HOOK1: variants seen among roughly 807,000 people sequenced by gnomAD.
The protein encoded by HOOK1 is protein Hook homolog 1.
HOOK1 carries 60 observed loss-of-function variants against 112.8 expected under a neutral mutation model. The ratio of observed to expected loss-of-function variants is 0.53; its 90% CI spans 0.43 to 0.66. The LOEUF (loss-of-function observed/expected upper bound fraction) is 0.66. HOOK1 is among the 30% of genes least tolerant of loss of function. The pLI is 0.00. For synonymous variants in HOOK1, 294 were observed against 283.8 expected, an observed-to-expected ratio of 1.04 and a Z score of -0.36; for missense variants, 770 against 856.0, an observed-to-expected ratio of 0.90 and a Z score of 1.25.
At chr1:59,850,286 T>C (rs2098406409) in intron 12 of HOOK1, among the ~76,000 whole-genome samples, 1 of 151,516 alleles carries the variant, frequency 6.6e-6, no homozygotes, top group African/African-American at 2.4e-5. Flanking sequence ...GTCAGGTATA[T>C]GATTTGCAGT....
intron 2 of HOOK1, among the ~76,000 whole-genome samples, chr1:59,824,165 T>A (rs936521447): frequency 5.9e-5 from 9 of 152,194 alleles, no homozygotes; most frequent in South Asian, 2.1e-4. Context: ...AGGTTAATTT[T>A]ACCATATGTC....
rs1266561201 is a variant in HOOK1 at position 59,840,378 on chromosome 1, A to G, written c.608A>G (p.Glu203Gly). 1 of 1,577,196 alleles carries G rather than the reference A, an allele frequency of 6.3e-7. No homozygotes were observed. The highest frequency in any genetic ancestry group is 1.2e-5 in the South Asian group (1 of 83,378). Residue 203 changes from glutamate (E) to glycine (G), a missense_variant, in exon 8 of 22, where the codon GAA becomes GGA. This residue lies in a region of HOOK1 where 655 missense variants were observed against 725.9 expected (regional missense o/e 0.90). Coordinates refer to ENST00000371208, the MANE Select transcript of HOOK1 (RefSeq NM_015888.6). ...GAAGAGCTGAGGCAAAGATGTGAAG[A>G]ATTGGATATGCAGGTACGGGAAAAA... ...EKEELRQRCE[E>G]LDMQVTTLQD...
Position 59,874,866 on chromosome 1 carries a change from GC to G in HOOK1, c.*1902del, listed in dbSNP as rs1644108493. On this transcript the variant is annotated 3_prime_UTR_variant, in exon 22 of 22. Transcript: ENST00000371208. ...AATACAAGAATTTCGTACTGCATTTGCATCTCCGAGATTAGGGAGCACCTGT... is the reference window on the plus strand; with the variant it reads ...AATACAAGAATTTCGTACTGCATTTGATCTCCGAGATTAGGGAGCACCTGT... 1 of 152,434 alleles carries G rather than the reference GC, an allele frequency of 6.6e-6. No individual in the cohort carries two copies. Among genetic ancestry groups the G allele is most frequent in the Non-Finnish European group, 1.5e-5 (1 of 67,962 alleles). 9.4% of individuals were successfully genotyped at this position (152,434 alleles called of 1,614,324 possible). A position where few individuals can be genotyped will look rare whatever the true frequency, so the allele number is the denominator to read the frequency against.
rs2098411054 is a variant in HOOK1 at position 59,856,905 on chromosome 1, G to A, written c.1243-1523G>A. Among the ~76,000 whole-genome samples, 4 of 152,208 alleles carry A rather than the reference G, an allele frequency of 2.6e-5. No homozygotes were observed. The South Asian group carries it at 6.2e-4, about 24-fold the overall frequency. ...GCCCTCTCATGTCTTTTCTGGGCATGTGCACAGCCCTGTACTTGGCTGACC... is the reference window on the plus strand; with the variant it reads ...GCCCTCTCATGTCTTTTCTGGGCATATGCACAGCCCTGTACTTGGCTGACC... On this transcript the variant is annotated intron_variant, in intron 12 of 21. Coordinates refer to ENST00000371208, the MANE Select transcript of HOOK1 (RefSeq NM_015888.6).
intron 21 of HOOK1, among the ~76,000 whole-genome samples, chr1:59,872,239 A>G (rs1329307734): frequency 1.3e-5 from 2 of 152,226 alleles, no homozygotes; most frequent in East Asian, 3.8e-4. Context: ...TTTATCAGGT[A>G]TCAATATTGA....
intron 12 of HOOK1, 61 bp from the exon 13 acceptor site, chr1:59,858,367 A>C: frequency 9.9e-7 from 1 of 1,013,640 alleles, no homozygotes; most frequent in Non-Finnish European, 1.6e-6. Context: ...AATTGTAAGC[A>C]TAAAGTACAT....
At position 59,847,286 on chromosome 1, in the gene HOOK1, A is replaced by T. The variant is rs985436977; in HGVS notation, c.929+101A>T. On this transcript the variant is annotated intron_variant, in intron 10 of 21. Transcript: ENST00000371208. ...CAGGGATTCATAGGATTATTCCTGTATATCAAGTATTGATCAGTTTTTAAT... is the reference window on the plus strand; with the variant it reads ...CAGGGATTCATAGGATTATTCCTGTTTATCAAGTATTGATCAGTTTTTAAT... 1.3e-5 allele frequency: 13 copies of T among 995,446 alleles called. No homozygotes were observed. The African/African-American group carries it at 2.2e-4, about 17-fold the overall frequency. The allele number at this position is 995,446 out of a possible 1,614,324, so 61.7% of individuals were successfully genotyped here.
intron 9 of HOOK1, among the ~76,000 whole-genome samples, chr1:59,846,596 C>T (rs575952380): frequency 6.3e-4 from 55 of 86,646 alleles, no homozygotes; most frequent in Non-Finnish European, 7.1e-4. Flanking sequence ...CCTCCCTCCT[C>T]CCTCCCTCCC....
intron 1 of HOOK1, 110 bp downstream of exon 1, chr1:59,815,290 A>G (rs41287714): frequency 0.34 from 338,099 of 1,003,928 alleles, 60,368 homozygotes; most frequent in African/African-American, 0.48. Flanking sequence ...GTCCCGGCGC[A>G]CCCTGCCCTT....
chr1:59,868,100 C>A, intron 19 of HOOK1, 150 bp from the exon 20 acceptor site: 1 of 553,582 alleles, frequency 1.8e-6, no homozygotes, highest in Admixed American at 3.4e-5. Flanking sequence ...TTTGTTATCC[C>A]AATTAGGATT....
At chr1:59,837,828 AAT>A (rs1431572248) in intron 7 of HOOK1, among the ~76,000 whole-genome samples, 2 of 152,010 alleles carry the variant, frequency 1.3e-5, no homozygotes, top group Non-Finnish European at 2.9e-5. Flanking sequence ...TATTTCTCCT[AAT>A]GTTATCCCTT....
chr1:59,823,236 C>T (rs923473314), intron 2 of HOOK1, among the ~76,000 whole-genome samples: 7 of 152,188 alleles, frequency 4.6e-5, no homozygotes, highest in African/African-American at 1.7e-4. Flanking sequence ...AGGAGAATGG[C>T]GTGAACCTGG....
At chr1:59,857,445 G>A (rs1335010490) in intron 12 of HOOK1, among the ~76,000 whole-genome samples, 1 of 152,184 alleles carries the variant, frequency 6.6e-6, no homozygotes, top group Non-Finnish European at 1.5e-5. Context: ...ACTGTTGTAG[G>A]CCTTTGGTTT....
intron 1 of HOOK1, among the ~76,000 whole-genome samples, chr1:59,819,824 G>C (rs2098384280): frequency 1.3e-5 from 2 of 152,156 alleles, no homozygotes; most frequent in Non-Finnish European, 2.9e-5. Flanking sequence ...TCCTTTTAAA[G>C]ATGCCCTAAT....
chr1:59,869,859 T>G (rs1245445538), intron 20 of HOOK1, among the ~76,000 whole-genome samples: 1 of 152,198 alleles, frequency 6.6e-6, no homozygotes, highest in East Asian at 1.9e-4. Context: ...TTTAATACTG[T>G]CTCACTCTCC....
At chr1:59,863,853 T>C in intron 16 of HOOK1, 1 of 962,034 alleles carries the variant, frequency 1.0e-6, no homozygotes, top group East Asian at 1.1e-4. Flanking sequence ...CGGCATCTCA[T>C]ATGTGCATAT....
chr1:59,865,922 A>G lies in HOOK1; in HGVS notation c.1795A>G (p.Met599Val), dbSNP rs983259900. The change falls in exon 19 of 22, where the codon ATG (methionine) becomes GTG (valine). Residue 599 changes from methionine (M) to valine (V), a missense_variant. Physicochemically the swap from Met to Val is conservative, Grantham distance 21. Coordinates refer to ENST00000371208, the MANE Select transcript of HOOK1 (RefSeq NM_015888.6). ...EAALQKKDED[M>V]KAMEERYKMY... is the part of the protein sequence containing the mutation. Reference sequence around the variant, plus strand: ...TGCTCTTCAGAAGAAAGATGAAGATATGAAAGCAATGGAGGAAAGATATAA... The same window carrying G: ...TGCTCTTCAGAAGAAAGATGAAGATGTGAAAGCAATGGAGGAAAGATATAA... 1 of 1,598,450 alleles carries G rather than the reference A, an allele frequency of 6.3e-7. No individual in the cohort carries two copies. Among genetic ancestry groups the G allele is most frequent in the East Asian group, 2.3e-5 (1 of 44,042 alleles).
At position 59,833,557 on chromosome 1, in the gene HOOK1, T is replaced by A; in HGVS notation, c.406+20T>A. ...AGCAAGGTAAGTGAATTTCAATCAT[T>A]TGAGGATTTCTACTTTCTAGAAACT... On this transcript the variant is annotated intron_variant, in intron 5 of 21. Coordinates refer to ENST00000371208, the MANE Select transcript of HOOK1 (RefSeq NM_015888.6). 6.6e-7 allele frequency: 1 copy of A among 1,514,856 alleles called. No homozygotes were observed. The allele number at this position is 1,514,856 out of a possible 1,614,324, so 93.8% of individuals were successfully genotyped here.
chr1:59,816,868 A>G (rs774366362), intron 1 of HOOK1, among the ~76,000 whole-genome samples: 1 of 152,216 alleles, frequency 6.6e-6, no homozygotes, highest in Non-Finnish European at 1.5e-5. Flanking sequence ...TGTTGCCTCT[A>G]CTAATGCTGT....
Sources: gnomAD v4.1 joint callset for allele counts (sites outside exome capture counted in the v4.1 genomes callset) on GRCh38, gnomAD v4.1.1 for gene constraint, gnomAD v4.1.1 regional missense constraint, MANE v1.5 for transcripts, NCBI Gene and HGNC (gene_info 2026-07-23, HGNC 2026-07-21) for gene names.